ADAMTS6: variants seen among roughly 807,000 people sequenced by gnomAD.
The protein encoded by ADAMTS6 is ADAM metallopeptidase with thrombospondin type 1 motif 6.
In ADAMTS6, 23 loss-of-function variants were observed where a neutral mutation model predicts 144.3. The ratio of observed to expected loss-of-function variants is 0.16; its 90% CI spans 0.11 to 0.23. ADAMTS6 has a LOEUF of 0.23. Ranked by LOEUF, ADAMTS6 falls within the 10% of genes least tolerant of loss-of-function variation. The pLI is 1.00. For synonymous variants in ADAMTS6, 444 were observed against 457.5 expected (o/e 0.97, Z 0.38); for missense variants, 999 against 1,379.6 (o/e 0.72, Z 4.37).
intron 7 of ADAMTS6, among the ~76,000 whole-genome samples, chr5:65,383,733 C>A (rs1191686214): frequency 6.6e-6 from 1 of 152,144 alleles, no homozygotes; most frequent in East Asian, 1.9e-4. Context: ...CTGGTCATTG[C>A]CCTAGTGGAG....
chr5:65,463,047 T>A (rs898628921), intron 3 of ADAMTS6, among the ~76,000 whole-genome samples: 4 of 147,490 alleles, frequency 2.7e-5, no homozygotes, highest in African/African-American at 1.0e-4. Flanking sequence ...GCCACTGCAC[T>A]CAGCCTGGGC....
chr5:65,373,341 C>T (rs1285068272), intron 7 of ADAMTS6, among the ~76,000 whole-genome samples: 6 of 150,166 alleles, frequency 4.0e-5, no homozygotes, highest in Non-Finnish European at 5.9e-5. Context: ...AAAGGATCAA[C>T]AAAATTGATA....
chr5:65,473,559 C>G lies in ADAMTS6; in HGVS notation c.97+18G>C. The G allele has an allele frequency of 6.3e-7, 1 of 1,592,624 alleles. No individual in the cohort carries two copies. Among genetic ancestry groups the G allele is most frequent in the Non-Finnish European group, 8.6e-7 (1 of 1,168,194 alleles). ...TAATAGCAATATTTTTTGTCAGTTTCAAAAGCAAGAATCCTACCTTGAGAA... is the reference window on the plus strand; with the variant it reads ...TAATAGCAATATTTTTTGTCAGTTTGAAAAGCAAGAATCCTACCTTGAGAA... On this transcript the variant is annotated intron_variant, in intron 2 of 24. Coordinates refer to ENST00000381055, the MANE Select transcript of ADAMTS6 (RefSeq NM_197941.4).
At chr5:65,404,924 T>C (rs985653938) in intron 7 of ADAMTS6, among the ~76,000 whole-genome samples, 2 of 152,244 alleles carry the variant, frequency 1.3e-5, no homozygotes, top group African/African-American at 4.8e-5. Context: ...CACGTGTCTG[T>C]TGGCTGCATA....
intron 7 of ADAMTS6, among the ~76,000 whole-genome samples, chr5:65,449,059 T>G (rs1758523606): frequency 6.6e-6 from 1 of 152,188 alleles, no homozygotes; most frequent in South Asian, 2.1e-4. Context: ...ATATTAAAGA[T>G]GATACTCCTC....
intron 12 of ADAMTS6, among the ~76,000 whole-genome samples, chr5:65,267,244 C>T (rs1052776530): frequency 5.3e-5 from 8 of 151,968 alleles, no homozygotes; most frequent in African/African-American, 1.9e-4. Flanking sequence ...AGTTTCTAAT[C>T]TTTATTTTCA....
At chr5:65,370,218 G>A (rs1207026816) in intron 7 of ADAMTS6, among the ~76,000 whole-genome samples, 2 of 152,130 alleles carry the variant, frequency 1.3e-5, no homozygotes, top group Non-Finnish European at 2.9e-5. Context: ...GACCAGCCTG[G>A]CCAACATGGT....
chr5:65,465,562 C>G (rs957731854), intron 3 of ADAMTS6, among the ~76,000 whole-genome samples: 1 of 152,190 alleles, frequency 6.6e-6, no homozygotes, highest in African/African-American at 2.4e-5. Flanking sequence ...TCTACATACT[C>G]TTTTTCTCTC....
intron 18 of ADAMTS6, among the ~76,000 whole-genome samples, chr5:65,223,644 G>GT (rs1561296708): frequency 6.6e-6 from 1 of 151,800 alleles, no homozygotes; most frequent in Admixed American, 6.6e-5. Context: ...TAGTTTCCTT[G>GT]TTTTTTTAAG....
At chr5:65,183,875 T>C (rs756463712) in intron 22 of ADAMTS6, among the ~76,000 whole-genome samples, 4 of 152,150 alleles carry the variant, frequency 2.6e-5, no homozygotes, top group Non-Finnish European at 5.9e-5. Context: ...GGATATTTAG[T>C]TCAATAATAA....
In ADAMTS6 at chr5:65,446,640, T is replaced by C. The variant is rs890438860; in HGVS notation, c.1073+4835A>G. On this transcript the variant is annotated intron_variant, in intron 7 of 24. Transcript: ENST00000381055. ...TAGGCCAATAAGAGGAATGAAGTAC[T>C]GATACATGCCACATTATGGATGAAC... Among the ~76,000 whole-genome samples the C allele has an allele frequency of 5.3e-5, 8 of 152,336 alleles. No individual in the cohort carries two copies. The South Asian group carries it at 1.7e-3, about 32-fold the overall frequency.
intron 15 of ADAMTS6, among the ~76,000 whole-genome samples, chr5:65,236,130 T>C (rs1233485374): frequency 2.0e-5 from 3 of 152,152 alleles, no homozygotes; most frequent in African/African-American, 4.8e-5. Flanking sequence ...CTCTCAATAA[T>C]TGATAGAATG....
rs755272120 is a variant in ADAMTS6, at chr5:65,214,875, G to C, written c.2494C>G (p.Arg832Gly). The change falls in exon 20 of 25, where the codon CGA becomes GGA. Residue 832 changes from arginine (R) to glycine (G), a missense_variant. Arg to Gly is a moderately radical substitution (Grantham distance 125). Coordinates refer to ENST00000381055, the MANE Select transcript of ADAMTS6 (RefSeq NM_197941.4). The surrounding 1 kb of genome is among the most constrained non-coding windows in gnomAD (Gnocchi z 4.6). The stretch of plus-strand genomic sequence containing the variant: ...ACTTCATTATCTCCACTGCCAGTTC[G>C]AGTGATGGGAACATTGAACTTATAC... ...IRYKFNVPIT[R>G]TGSGDNEVGF... The C allele has an allele frequency of 2.5e-6, 4 of 1,614,094 alleles. No individual in the cohort carries two copies. The East Asian group carries it at 6.7e-5, about 27-fold the overall frequency.
At chr5:65,251,833 T>C (rs949094567) in intron 14 of ADAMTS6, 1 of 152,210 alleles carries the variant, frequency 6.6e-6, no homozygotes, top group Non-Finnish European at 1.5e-5. Context: ...TTTGTCTTCA[T>C]AAGTTGCTTC....
At chr5:65,300,411 C>T (rs1743242145) in intron 9 of ADAMTS6, among the ~76,000 whole-genome samples, 2 of 152,202 alleles carry the variant, frequency 1.3e-5, no homozygotes, top group Non-Finnish European at 2.9e-5. Flanking sequence ...TATTGTATAT[C>T]AGTCCTTACT....
chr5:65,404,178 G>C (rs1754208020), intron 7 of ADAMTS6, among the ~76,000 whole-genome samples: 1 of 151,520 alleles, frequency 6.6e-6, no homozygotes, highest in African/African-American at 2.4e-5. Flanking sequence ...TAAGTTCTAG[G>C]GTACATGTGC....
At chr5:65,294,967 A>G (rs1742692780) in intron 10 of ADAMTS6, among the ~76,000 whole-genome samples, 1 of 152,062 alleles carries the variant, frequency 6.6e-6, no homozygotes, top group African/African-American at 2.4e-5. Flanking sequence ...TACTGTGGGT[A>G]GTCTTTTGTA....
intron 11 of ADAMTS6, among the ~76,000 whole-genome samples, chr5:65,285,182 GGCATCTT>G (rs1026092428): frequency 1.3e-5 from 2 of 152,034 alleles, no homozygotes; most frequent in African/African-American, 4.8e-5. Flanking sequence ...GTTATTTTCT[GGCATCTT>G]GCTGCTTTTA....
In ADAMTS6 at chr5:65,151,391, C is replaced by G. The variant is rs2111932000; in HGVS notation, c.*445G>C. Reference sequence around the variant, plus strand: ...TACAGTAAATATTTTTAAGCTATGACTTAAGAATTCTGAACCTTCTTCACT... The same window carrying G: ...TACAGTAAATATTTTTAAGCTATGAGTTAAGAATTCTGAACCTTCTTCACT... On this transcript the variant is annotated 3_prime_UTR_variant, in exon 25 of 25. Coordinates refer to ENST00000381055, the MANE Select transcript of ADAMTS6 (RefSeq NM_197941.4). 6.4e-6 allele frequency: 1 copy of G among 155,396 alleles called. No homozygotes were observed. The highest frequency in any genetic ancestry group is 2.1e-4 in the South Asian group (1 of 4,866). 9.6% of individuals were successfully genotyped at this position (155,396 alleles called of 1,614,324 possible). A position where few individuals can be genotyped will look rare whatever the true frequency, so the allele number is the denominator to read the frequency against.
Sources: gnomAD v4.1 joint callset for allele counts (sites outside exome capture counted in the v4.1 genomes callset) on GRCh38, gnomAD v4.1.1 for gene constraint, Gnocchi (gnomAD v3.1) non-coding constraint, MANE v1.5 for transcripts, NCBI Gene and HGNC (gene_info 2026-07-23, HGNC 2026-07-21) for gene names.